CDIPT: variants seen among roughly 807,000 people sequenced by gnomAD.
The protein encoded by CDIPT is CDP-diacylglycerol--inositol 3-phosphatidyltransferase.
Under a neutral mutation model 21.6 loss-of-function variants are expected in CDIPT, and 17 were observed. The ratio of observed to expected loss-of-function variants is 0.79; its 90% CI spans 0.54 to 1.18. The LOEUF is 1.18. Among genes scored for constraint, CDIPT ranks in the 50% most tolerant of loss-of-function variants. The pLI is 0.00. For synonymous variants in CDIPT, 119 were observed against 117.9 expected, an observed-to-expected ratio of 1.01 and a Z score of -0.06; for missense variants, 254 against 284.9, an observed-to-expected ratio of 0.89 and a Z score of 0.78.
chr16:29,862,783 T>G lies in CDIPT; in HGVS notation c.43+32A>C, dbSNP rs1017099872. Reference sequence around the variant, plus strand: ...GAGCCCGCCAAGGCCCCTCGCCCTCTCGTTCGGCCCGGGGCCGTGGGCAGC... The same window carrying G: ...GAGCCCGCCAAGGCCCCTCGCCCTCGCGTTCGGCCCGGGGCCGTGGGCAGC... On this transcript the variant is annotated intron_variant, in intron 1 of 5. Transcript: ENST00000219789. The surrounding 1 kb of genome is among the most constrained non-coding windows in gnomAD (Gnocchi z 6.7). 8 of 1,613,732 alleles carry G rather than the reference T, an allele frequency of 5.0e-6. No homozygotes were observed. The African/African-American group carries it at 1.1e-4, about 22-fold the overall frequency.
At chr16:29,863,226 T>TA (rs1052426156), upstream of CDIPT, 5 of 319,608 alleles carry the variant, frequency 1.6e-5, no homozygotes, top group Admixed American at 5.6e-5. Flanking sequence ...AAAAGTGGCT[T>TA]AAAAAAATAG....
chr16:29,860,553 AG>A, intron 4 of CDIPT, 27 bp downstream of exon 4: 1 of 1,456,042 alleles, frequency 6.9e-7, no homozygotes, highest in Non-Finnish European at 9.6e-7. Context: ...CAAGAGCCTG[AG>A]GGGTGGGGTG....
chr16:29,859,943 T>C lies in CDIPT; in HGVS notation c.415-420A>G, dbSNP rs1213048410. On this transcript the variant is annotated intron_variant, in intron 4 of 5. Transcript: ENST00000219789. This position sits in a 1 kb window ranked among gnomAD's most constrained non-coding sequence, Gnocchi z 4.5. Reference sequence around the variant, plus strand: ...TCGCTTGAACCCAGCAGGCAGAGGTTGCAGTGAGCCGATAACCCGCCACTG... The same window carrying C: ...TCGCTTGAACCCAGCAGGCAGAGGTCGCAGTGAGCCGATAACCCGCCACTG... Among the ~76,000 whole-genome samples, 1 of 151,964 alleles carries C rather than the reference T, an allele frequency of 6.6e-6. No homozygotes were observed. The highest frequency in any genetic ancestry group is 1.5e-5 in the Non-Finnish European group (1 of 67,990).
At chr16:29,860,256 C>G (rs2067668995) in intron 4 of CDIPT, among the ~76,000 whole-genome samples, 1 of 152,172 alleles carries the variant, frequency 6.6e-6, no homozygotes, top group African/African-American at 2.4e-5. Context: ...CAGCCATTAT[C>G]TTTTTAAAAA....
chr16:29,862,946 G>C lies in CDIPT; in HGVS notation c.-89C>G. The C allele has an allele frequency of 6.8e-7, 1 of 1,467,290 alleles. No homozygotes were observed. The highest frequency in any genetic ancestry group is 9.5e-7 in the Non-Finnish European group (1 of 1,050,828). 90.9% of individuals were successfully genotyped at this position (1,467,290 alleles called of 1,614,324 possible). On this transcript the variant is annotated 5_prime_UTR_variant, in exon 1 of 6. Transcript: ENST00000219789. The surrounding 1 kb of genome is among the most constrained non-coding windows in gnomAD (Gnocchi z 6.7). ...GCGCGGCCTCAGCCTCCGGCCCGGC[G>C]CATCGGCCGCACCACCTGCGCCCTG...
chr16:29,862,437 A>T lies in CDIPT; in HGVS notation c.178+149T>A. Reference sequence around the variant, plus strand: ...ACCCTGTCTCAAAAACAAAAAAACAAAACACAAAACAAAAAGCCCCAGGCC... The same window carrying T: ...ACCCTGTCTCAAAAACAAAAAAACATAACACAAAACAAAAAGCCCCAGGCC... On this transcript the variant is annotated intron_variant, in intron 2 of 5. Transcript: ENST00000219789. The surrounding 1 kb of genome is among the most constrained non-coding windows in gnomAD (Gnocchi z 6.7). 1 of 840,536 alleles carries T rather than the reference A, an allele frequency of 1.2e-6. No individual in the cohort carries two copies. Among genetic ancestry groups the T allele is most frequent in the Non-Finnish European group, 1.8e-6 (1 of 546,030 alleles). The allele number at this position is 840,536 out of a possible 1,614,324, so 52.1% of individuals were successfully genotyped here.
Position 29,858,978 on chromosome 16 carries a change from G to C in CDIPT, c.*211C>G. The C allele has an allele frequency of 5.0e-6, 3 of 603,630 alleles. No homozygotes were observed. In the East Asian group the frequency reaches 8.7e-5, roughly 17 times the overall value. 37.4% of individuals were successfully genotyped at this position (603,630 alleles called of 1,614,324 possible). A position where few individuals can be genotyped will look rare whatever the true frequency, so the allele number is the denominator to read the frequency against. On this transcript the variant is annotated 3_prime_UTR_variant, in exon 6 of 6. Transcript: ENST00000219789. ...CCAGGAGCACCGCCTGGATGGAGGG[G>C]GCCTCCCGCGTATCCTCCCTGATTT... is the stretch of plus-strand genomic sequence containing the variant.
At position 29,859,540 on chromosome 16, in the gene CDIPT, C is replaced by A. The variant is rs201291663; in HGVS notation, c.415-17G>T. On this transcript the variant is annotated splice_polypyrimidine_tract_variant and intron_variant, in intron 4 of 5. Transcript: ENST00000219789. The surrounding 1 kb of genome is among the most constrained non-coding windows in gnomAD (Gnocchi z 4.5). ...CAGAGCAGGCTGCACACACAGCAAA[C>A]AGGCCACGTTAGCAAGAGGCAGGCG... 12 of 1,598,706 alleles carry A rather than the reference C, an allele frequency of 7.5e-6. No individual in the cohort carries two copies. The highest frequency in any genetic ancestry group is 1.0e-5 in the Non-Finnish European group (12 of 1,167,032).
Position 29,862,672 on chromosome 16 carries a change from C to A in CDIPT, c.92G>T (p.Cys31Phe). ...FAIISFYFMP[C>F]CPLTASSFYL... ...GAAGGAGGAGGCCGTGAGGGGGCAG[C>A]AGGGCATGAAGTAGAAAGAAATGAT... The change falls in exon 2 of 6, where the codon TGC (cysteine) becomes TTC (phenylalanine). Residue 31 changes from cysteine (C) to phenylalanine (F), a missense_variant. Transcript: ENST00000219789. This position sits in a 1 kb window ranked among gnomAD's most constrained non-coding sequence, Gnocchi z 6.7. 1 of 1,613,898 alleles carries A rather than the reference C, an allele frequency of 6.2e-7. No homozygotes were observed. The highest frequency in any genetic ancestry group is 8.5e-7 in the Non-Finnish European group (1 of 1,179,864).
chr16:29,860,581 C>T lies in CDIPT; in HGVS notation c.414G>A (p.Arg138=). 6.2e-7 allele frequency: 1 copy of T among 1,601,902 alleles called. No homozygotes were observed. ...NPVLRIYYTS[R]PALFTLCAGN... ...GGTGGGGTGTGCAGGAAATGCTTAC[C>T]CTCGAGGTGTAGTAGATCCGAAGCA... Residue 138 remains arginine, a splice_region_variant and synonymous_variant, in exon 4 of 6, where the codon AGG becomes AGA. Coordinates refer to ENST00000219789, the MANE Select transcript of CDIPT (RefSeq NM_006319.5).
At chr16:29,861,747 T>C in intron 2 of CDIPT, 1 of 508,000 alleles carries the variant, frequency 2.0e-6, no homozygotes, top group South Asian at 2.3e-5. Context: ...TGTTTTTTTT[T>C]TTCCGAGACA....
rs1412825969 is a variant in CDIPT at position 29,859,595 on chromosome 16, T to C, written c.415-72A>G. 2 of 943,430 alleles carry C rather than the reference T, an allele frequency of 2.1e-6. No homozygotes were observed. Among genetic ancestry groups the C allele is most frequent in the Admixed American group, 3.9e-5 (2 of 50,996 alleles). The allele number at this position is 943,430 out of a possible 1,614,324, so 58.4% of individuals were successfully genotyped here. ...CCACCCCCTGCCCCCCCAGCACTAA[T>C]GAAGGCACAATCTCGGCATATTACT... is the stretch of plus-strand genomic sequence containing the variant. On this transcript the variant is annotated intron_variant, in intron 4 of 5. Transcript: ENST00000219789. The surrounding 1 kb of genome is among the most constrained non-coding windows in gnomAD (Gnocchi z 4.5).
Position 29,860,599 on chromosome 16 carries a change from C to G in CDIPT, c.396G>C (p.Arg132=), listed in dbSNP as rs767714724. 13 of 1,611,300 alleles carry G rather than the reference C, an allele frequency of 8.1e-6. 1 individual carries two copies. The South Asian group carries it at 9.9e-5, about 12-fold the overall frequency. Residue 132 remains arginine, a synonymous_variant, in exon 4 of 6, where the codon CGG becomes CGC. Coordinates refer to ENST00000219789, the MANE Select transcript of CDIPT (RefSeq NM_006319.5). ...TGCTTACCCTCGAGGTGTAGTAGAT[C>G]CGAAGCACCGGATTCCCGGACAAGT... ...MIDLSGNPVL[R]IYYTSRPALF...
chr16:29,859,670 A>G lies in CDIPT; in HGVS notation c.415-147T>C. On this transcript the variant is annotated intron_variant, in intron 4 of 5. Transcript: ENST00000219789. The surrounding 1 kb of genome is among the most constrained non-coding windows in gnomAD (Gnocchi z 4.5). ...CAGACAGGGTCTCGCTCTCTCATCC[A>G]GGTTGGAATGCAGTAGTATGATCAT... 4.7e-6 allele frequency: 3 copies of G among 644,492 alleles called. No individual in the cohort carries two copies. Among genetic ancestry groups the G allele is most frequent in the Non-Finnish European group, 5.6e-6 (2 of 357,118 alleles). 39.9% of individuals were successfully genotyped at this position (644,492 alleles called of 1,614,324 possible).
Position 29,860,582 on chromosome 16 carries a change from C to G in CDIPT, c.413G>C (p.Arg138Thr). The G allele has an allele frequency of 1.2e-6, 2 of 1,602,898 alleles. No homozygotes were observed. The highest frequency in any genetic ancestry group is 1.7e-6 in the Non-Finnish European group (2 of 1,170,096). The change falls in exon 4 of 6, where the codon AGG (arginine) becomes ACG (threonine). Residue 138 changes from arginine (R) to threonine (T), a missense_variant and splice_region_variant. By Grantham distance (71) the Arg-to-Thr change is moderately conservative (BLOSUM62 -1). Transcript: ENST00000219789. ...GTGGGGTGTGCAGGAAATGCTTACC[C>G]TCGAGGTGTAGTAGATCCGAAGCAC... ...NPVLRIYYTS[R>T]PALFTLCAGN...
At chr16:29,861,819 C>T (rs1460507412) in intron 2 of CDIPT, 1 of 285,558 alleles carries the variant, frequency 3.5e-6, no homozygotes, top group South Asian at 4.4e-5. Context: ...CTGCAACCTC[C>T]GCCTCCCGGG....
In CDIPT at chr16:29,862,738, G is replaced by T. The variant is rs758915598; in HGVS notation, c.44-18C>A. 1.9e-6 allele frequency: 3 copies of T among 1,613,776 alleles called. No homozygotes were observed. Among genetic ancestry groups the T allele is most frequent in the Non-Finnish European group, 1.7e-6 (2 of 1,179,772 alleles). On this transcript the variant is annotated intron_variant, in intron 1 of 5. Coordinates refer to ENST00000219789, the MANE Select transcript of CDIPT (RefSeq NM_006319.5). The surrounding 1 kb of genome is among the most constrained non-coding windows in gnomAD (Gnocchi z 6.7). ...GGCATAACCTTGGAACGGGACGCGG[G>T]GAGACAGGGCAGGATCAGGGAGCCC...
In CDIPT at chr16:29,862,831, G is replaced by A. The variant is rs1317191306; in HGVS notation, c.27C>T (p.Phe9=). The A allele has an allele frequency of 6.2e-7, 1 of 1,613,982 alleles. No individual in the cohort carries two copies. The highest frequency in any genetic ancestry group is 8.5e-7 in the Non-Finnish European group (1 of 1,180,002). The change falls in exon 1 of 6, where the codon TTC becomes TTT. Residue 9 remains phenylalanine, a synonymous_variant. Coordinates refer to ENST00000219789, the MANE Select transcript of CDIPT (RefSeq NM_006319.5). The surrounding 1 kb of genome is among the most constrained non-coding windows in gnomAD (Gnocchi z 6.7). MPDENIFL[F]VPNLIGYARI... Reference sequence around the variant, plus strand: ...AGCACTCACCGATGAGGTTGGGCACGAACAGGAAGATATTTTCGTCTGGCA... The same window carrying A: ...AGCACTCACCGATGAGGTTGGGCACAAACAGGAAGATATTTTCGTCTGGCA...
At position 29,862,581 on chromosome 16, in the gene CDIPT, G is replaced by A; in HGVS notation, c.178+5C>T. ...CCAAGGCTGGCTGAGAGGGGTGTCTGTCACCTTGATTAAGAGCGCGAGCAG... is the reference window on the plus strand; with the variant it reads ...CCAAGGCTGGCTGAGAGGGGTGTCTATCACCTTGATTAAGAGCGCGAGCAG... On this transcript the variant is annotated splice_donor_5th_base_variant and intron_variant, in intron 2 of 5. Coordinates refer to ENST00000219789, the MANE Select transcript of CDIPT (RefSeq NM_006319.5). This position sits in a 1 kb window ranked among gnomAD's most constrained non-coding sequence, Gnocchi z 6.7. 6.4e-7 allele frequency: 1 copy of A among 1,565,056 alleles called. No homozygotes were observed. Among genetic ancestry groups the A allele is most frequent in the Non-Finnish European group, 8.7e-7 (1 of 1,154,618 alleles).
Sources: allele counts gnomAD v4.1 joint callset (sites outside exome capture counted in the v4.1 genomes callset), GRCh38; gene constraint gnomAD v4.1.1; non-coding constraint Gnocchi (gnomAD v3.1); transcripts MANE v1.5; gene names NCBI Gene and HGNC (gene_info 2026-07-23, HGNC 2026-07-21).